The following ADARB2 variants were observed in gnomAD, a reference collection of about 807,000 sequenced individuals.
ADARB2 encodes the protein inactive double-stranded RNA-specific editase B2.
A neutral mutation model predicts 62.2 loss-of-function variants in ADARB2; 25 were observed. The observed-to-expected ratio is 0.40, with a 90% confidence interval of 0.29 to 0.56. The LOEUF is 0.56. ADARB2 is among the 20% of genes least tolerant of loss of function. The probability of loss-of-function intolerance (pLI) is 0.43; values close to 1 mark genes in which losing one functional copy is unlikely to be tolerated. For synonymous variants in ADARB2, 572 were observed against 500.8 expected (o/e 1.14, Z -1.90); for missense variants, 1,071 against 1,077.4 (o/e 0.99, Z 0.08).
chr10:1,564,783 C>CTTT (rs1564332087), intron 1 of ADARB2, among the ~76,000 whole-genome samples: 2 of 23,900 alleles, frequency 8.4e-5, no homozygotes, highest in Non-Finnish European at 3.1e-4. Context: ...ACTTTTATTA[C>CTTT]CTTTTTTTTT....
intron 1 of ADARB2, among the ~76,000 whole-genome samples, chr10:1,508,551 C>T (rs939693941): frequency 3.3e-5 from 5 of 152,108 alleles, no homozygotes; most frequent in Admixed American, 2.0e-4. Flanking sequence ...AGACCAAGGC[C>T]GGCTGATTGT....
At chr10:1,232,055 G>A (rs1476448805) in intron 6 of ADARB2, among the ~76,000 whole-genome samples, 1 of 152,178 alleles carries the variant, frequency 6.6e-6, no homozygotes, top group Non-Finnish European at 1.5e-5. Flanking sequence ...CCAAAGCCAA[G>A]CCTTAATAGC....
intron 1 of ADARB2, among the ~76,000 whole-genome samples, chr10:1,677,019 C>G (rs982445487): frequency 1.3e-5 from 2 of 152,308 alleles, no homozygotes; most frequent in East Asian, 3.9e-4. Flanking sequence ...AACAAGGACC[C>G]TTCACACTTA....
intron 1 of ADARB2, among the ~76,000 whole-genome samples, chr10:1,732,174 A>G (rs1210755709): frequency 1.3e-5 from 2 of 152,046 alleles, no homozygotes; most frequent in African/African-American, 2.4e-5. Context: ...TTTACCGTGT[A>G]TATACATATA....
chr10:1,254,929 A>G (rs1831067391), intron 4 of ADARB2, among the ~76,000 whole-genome samples: 1 of 152,242 alleles, frequency 6.6e-6, no homozygotes, highest in South Asian at 2.1e-4. Context: ...GTGAATCCCA[A>G]ATGCTGACTC....
chr10:1,331,178 C>G (rs866251563), intron 3 of ADARB2, among the ~76,000 whole-genome samples: 1 of 152,134 alleles, frequency 6.6e-6, no homozygotes, highest in Non-Finnish European at 1.5e-5. Flanking sequence ...TGATGGGATT[C>G]AAAATGATGC....
intron 3 of ADARB2, among the ~76,000 whole-genome samples, chr10:1,337,585 T>G (rs1831986061): frequency 6.6e-6 from 1 of 152,216 alleles, no homozygotes. Context: ...TGTGGTCTTC[T>G]GAGGGTAAGC....
intron 1 of ADARB2, among the ~76,000 whole-genome samples, chr10:1,505,388 T>TG (rs1303906105): frequency 4.6e-5 from 7 of 152,092 alleles, no homozygotes; most frequent in East Asian, 1.9e-4. Context: ...TTTTGTTTTT[T>TG]TTTTTTTTGC....
At chr10:1,508,305 G>A (rs1440429493) in intron 1 of ADARB2, among the ~76,000 whole-genome samples, 1 of 152,192 alleles carries the variant, frequency 6.6e-6, no homozygotes. Flanking sequence ...GAAGACACAC[G>A]CTATGGTCAG....
intron 1 of ADARB2, among the ~76,000 whole-genome samples, chr10:1,736,491 T>C (rs1835301736): frequency 6.6e-6 from 1 of 152,214 alleles, no homozygotes; most frequent in Non-Finnish European, 1.5e-5. Flanking sequence ...TCATTTCTGC[T>C]TATTTCTCCA....
intron 1 of ADARB2, among the ~76,000 whole-genome samples, chr10:1,618,010 G>A (rs185551541): frequency 1.4e-4 from 22 of 152,238 alleles, no homozygotes; most frequent in South Asian, 8.3e-4. Context: ...GCATCTCCCC[G>A]GGAGCTTCAT....
chr10:1,635,464 T>C (rs1297137328), intron 1 of ADARB2, among the ~76,000 whole-genome samples: 1 of 152,160 alleles, frequency 6.6e-6, no homozygotes, highest in Non-Finnish European at 1.5e-5. Flanking sequence ...TAGTGTCAAA[T>C]TTTCCCTTGG....
At chr10:1,563,898 G>A (rs1564331837) in intron 1 of ADARB2, among the ~76,000 whole-genome samples, 1 of 148,068 alleles carries the variant, frequency 6.8e-6, no homozygotes, top group Admixed American at 6.8e-5. Flanking sequence ...TTTTGTTCTT[G>A]CGATAGTTTA....
chr10:1,202,561 A>AC (rs1837000614), intron 7 of ADARB2, among the ~76,000 whole-genome samples: 2 of 152,158 alleles, frequency 1.3e-5, no homozygotes, highest in Non-Finnish European at 2.9e-5. Context: ...AAAGGCTGGG[A>AC]GGAAATTCAG....
At chr10:1,696,429 A>G (rs1834747561) in intron 1 of ADARB2, among the ~76,000 whole-genome samples, 1 of 152,220 alleles carries the variant, frequency 6.6e-6, no homozygotes, top group Admixed American at 6.5e-5. Context: ...AAATGGTGGA[A>G]ATTATATATG....
chr10:1,329,832 G>T (rs908879035), intron 3 of ADARB2, among the ~76,000 whole-genome samples: 12 of 152,006 alleles, frequency 7.9e-5, no homozygotes, highest in Admixed American at 7.2e-4. Context: ...CCAGGCAGGG[G>T]TGGTTATCCC....
intron 1 of ADARB2, among the ~76,000 whole-genome samples, chr10:1,420,299 C>T (rs543195071): frequency 1.3e-5 from 2 of 152,278 alleles, no homozygotes; most frequent in African/African-American, 4.8e-5. Flanking sequence ...ACATGGACAG[C>T]TACGTGTAAG....
At chr10:1,459,274 T>TA (rs1831136760) in intron 1 of ADARB2, among the ~76,000 whole-genome samples, 1 of 152,154 alleles carries the variant, frequency 6.6e-6, no homozygotes, top group Non-Finnish European at 1.5e-5. Flanking sequence ...GGAATCAACA[T>TA]AAATGTCCAT....
chr10:1,603,011 C>T (rs112359885), intron 1 of ADARB2, among the ~76,000 whole-genome samples: 3,192 of 140,916 alleles, frequency 0.023, 54 homozygotes, highest in South Asian at 0.066. Context: ...CACAACTGTA[C>T]ACACACATAC....
Sources: allele counts gnomAD v4.1 joint callset (sites outside exome capture counted in the v4.1 genomes callset), GRCh38; gene constraint gnomAD v4.1.1; transcripts MANE v1.5; gene names NCBI Gene and HGNC (gene_info 2026-07-23, HGNC 2026-07-21).